The following USP53 variants were observed in gnomAD, a reference collection of about 807,000 sequenced individuals.
The protein encoded by USP53 is ubiquitin specific peptidase 53.
USP53 carries 71 observed loss-of-function variants against 94.9 expected under a neutral mutation model. That is an observed-to-expected ratio of 0.75 (90% confidence interval 0.62 to 0.91). The LOEUF (loss-of-function observed/expected upper bound fraction) is 0.91. Among genes scored for constraint, USP53 ranks in the 40% least tolerant of loss-of-function variants. The pLI is 0.00. For synonymous variants in USP53, 375 were observed against 422.7 expected (o/e 0.89, Z 1.39); for missense variants, 1,173 against 1,281.0 (o/e 0.92, Z 1.29).
intron 12 of USP53, among the ~76,000 whole-genome samples, chr4:119,262,784 G>A (rs12649811): frequency 6.6e-6 from 1 of 152,060 alleles, no homozygotes; most frequent in African/African-American, 2.4e-5. Context: ...TAATAATATT[G>A]TCTAGAAAAG....
chr4:119,293,921 A>T lies in USP53; in HGVS notation c.*710A>T, dbSNP rs1432573483. On this transcript the variant is annotated 3_prime_UTR_variant, in exon 19 of 19. Coordinates refer to ENST00000692078, the MANE Select transcript of USP53 (RefSeq NM_001371395.1). ...AGTTTTCAAGATCGGATGGAATTTA[A>T]TTTTGCTCCTAGAATTTTTGTCTTC... 1 of 152,104 alleles carries T rather than the reference A, an allele frequency of 6.6e-6. No homozygotes were observed. The highest frequency in any genetic ancestry group is 2.4e-5 in the African/African-American group (1 of 41,446). The allele number at this position is 152,104 out of a possible 1,614,324, so 9.4% of individuals were successfully genotyped here.
intron 16 of USP53, 103 bp downstream of exon 16, chr4:119,272,137 A>G: frequency 7.9e-7 from 1 of 1,271,060 alleles, no homozygotes; most frequent in Non-Finnish European, 1.1e-6. Flanking sequence ...GAACAGAAAC[A>G]GCATGAGCTG....
intron 12 of USP53, among the ~76,000 whole-genome samples, chr4:119,262,691 G>T (rs1317778506): frequency 6.6e-6 from 1 of 152,216 alleles, no homozygotes; most frequent in Non-Finnish European, 1.5e-5. Context: ...GACAGAGGCA[G>T]AAGAAAATTC....
intron 3 of USP53, among the ~76,000 whole-genome samples, chr4:119,231,814 C>T (rs1056590396): frequency 3.3e-5 from 5 of 152,028 alleles, no homozygotes; most frequent in African/African-American, 7.3e-5. Flanking sequence ...TTTGTGATGA[C>T]GTGTAAAATG....
intron 17 of USP53, among the ~76,000 whole-genome samples, chr4:119,287,386 C>T (rs1406439480): frequency 6.6e-6 from 1 of 152,056 alleles, no homozygotes; most frequent in Admixed American, 6.5e-5. Flanking sequence ...ATGTATATTA[C>T]ATGACTCTTT....
At chr4:119,288,043 TG>T in intron 17 of USP53, among the ~76,000 whole-genome samples, 2 of 152,346 alleles carry the variant, frequency 1.3e-5, no homozygotes, top group East Asian at 3.8e-4. Flanking sequence ...GTCAAACTTT[TG>T]GGCCTCAGAT....
chr4:119,220,084 C>T (rs1004344898), intron 3 of USP53: 1 of 151,982 alleles, frequency 6.6e-6, no homozygotes, highest in African/African-American at 2.4e-5. Flanking sequence ...ATTTTAATAA[C>T]AGTAAATGTT....
intron 18 of USP53, 133 bp downstream of exon 18, chr4:119,291,394 A>G (rs183489546): frequency 9.8e-6 from 5 of 508,372 alleles, no homozygotes; most frequent in Non-Finnish European, 1.7e-5. Context: ...GGAATCATTA[A>G]TACAATGTGG....
intron 2 of USP53, among the ~76,000 whole-genome samples, chr4:119,215,327 G>A (rs929431666): frequency 6.6e-6 from 1 of 152,044 alleles, no homozygotes; most frequent in Non-Finnish European, 1.5e-5. Context: ...AACAAGAAAC[G>A]GATGCAACCT....
intron 3 of USP53, among the ~76,000 whole-genome samples, chr4:119,223,753 G>A (rs1259548222): frequency 6.6e-6 from 1 of 152,076 alleles, no homozygotes; most frequent in Non-Finnish European, 1.5e-5. Flanking sequence ...TGGCCTTTAA[G>A]GTATATAATT....
intron 3 of USP53, chr4:119,218,376 T>G (rs1473335896): frequency 6.6e-6 from 1 of 152,216 alleles, no homozygotes; most frequent in Non-Finnish European, 1.5e-5. Flanking sequence ...ATGTCCTATA[T>G]TCTGGATACA....
At position 119,288,490 on chromosome 4, in the gene USP53, G is replaced by A. The variant is rs563097306; in HGVS notation, c.2252-2675G>A. On this transcript the variant is annotated intron_variant, in intron 17 of 18. Transcript: ENST00000692078. ...ATATTATTCTTTGACACTACACCAA[G>A]TAGTAGTTTCTTTAATGCAGTGTGA... Among the ~76,000 whole-genome samples, 9 of 152,278 alleles carry A rather than the reference G, an allele frequency of 5.9e-5. No homozygotes were observed. In the East Asian group the frequency reaches 1.7e-3, roughly 29 times the overall value.
In USP53 at chr4:119,238,932, C is replaced by T. The variant is rs1469592801; in HGVS notation, c.-542-286C>T. ...TAGAGCAATTTAGTGTTGACAGATA[C>T]AGCATACCAGCTGAAATATAATTTA... On this transcript the variant is annotated intron_variant, in intron 4 of 18. Transcript: ENST00000692078. Among the ~76,000 whole-genome samples the T allele has an allele frequency of 1.3e-5, 2 of 152,042 alleles. 1 individual carries two copies. Among genetic ancestry groups the T allele is most frequent in the South Asian group, 4.1e-4 (2 of 4,826 alleles).
chr4:119,228,409 C>T (rs1745607594), intron 3 of USP53, among the ~76,000 whole-genome samples: 1 of 152,214 alleles, frequency 6.6e-6, no homozygotes, highest in South Asian at 2.1e-4. Flanking sequence ...AGAAAGCACT[C>T]TGCTTTTAAG....
chr4:119,240,119 A>T (rs1747319382), intron 5 of USP53, among the ~76,000 whole-genome samples: 1 of 152,124 alleles, frequency 6.6e-6, no homozygotes, highest in Non-Finnish European at 1.5e-5. Flanking sequence ...TATCACTATG[A>T]TATAAATAAT....
intron 7 of USP53, 71 bp from the exon 8 acceptor site, chr4:119,256,175 G>A: frequency 9.1e-7 from 1 of 1,096,488 alleles, no homozygotes; most frequent in Non-Finnish European, 1.3e-6. Context: ...TAATCTGCAG[G>A]TAAAGAGTTA....
Position 119,268,102 on chromosome 4 carries a change from G to A in USP53, c.1136-166G>A, listed in dbSNP as rs182778389. Among the ~76,000 whole-genome samples the A allele has an allele frequency of 3.0e-3, 454 of 149,418 alleles. 13 individuals carry two copies. In the East Asian group the frequency reaches 0.059, roughly 20 times the overall value. Reference sequence around the variant, plus strand: ...GAATGGCGTGAACCCGGGAGGCGGAGCTTGCAGTGAGCCGAGATTGCGCCA... The same window carrying A: ...GAATGGCGTGAACCCGGGAGGCGGAACTTGCAGTGAGCCGAGATTGCGCCA... On this transcript the variant is annotated intron_variant, in intron 13 of 18. Coordinates refer to ENST00000692078, the MANE Select transcript of USP53 (RefSeq NM_001371395.1).
intron 7 of USP53, among the ~76,000 whole-genome samples, chr4:119,249,882 T>C (rs910289624): frequency 6.6e-6 from 1 of 152,096 alleles, no homozygotes; most frequent in Admixed American, 6.6e-5. Context: ...GCCAGGATGG[T>C]CTCGATCTCC....
chr4:119,293,031 T>C lies in USP53; in HGVS notation c.3042T>C (p.Ile1014=), dbSNP rs765908737. 4.2e-5 allele frequency: 67 copies of C among 1,613,964 alleles called. No individual in the cohort carries two copies. The highest frequency in any genetic ancestry group is 5.5e-5 in the Non-Finnish European group (65 of 1,179,982). Residue 1014 remains isoleucine, a synonymous_variant, in exon 19 of 19, where the codon ATT becomes ATC. Transcript: ENST00000692078. ...ATTTTCAGGCAAACTCAGGTGCCAT[T>C]GATGCATTTTGCCAACCAGAACTAG... ...TNDFQANSGA[I]DAFCQPELDS...
Sources: allele counts gnomAD v4.1 joint callset (sites outside exome capture counted in the v4.1 genomes callset), GRCh38; gene constraint gnomAD v4.1.1; transcripts MANE v1.5; gene names NCBI Gene and HGNC (gene_info 2026-07-23, HGNC 2026-07-21).